ETNK1: variants seen among roughly 807,000 people sequenced by gnomAD.
The protein encoded by ETNK1 is ethanolamine kinase 1.
In ETNK1, 8 loss-of-function variants were observed where a neutral mutation model predicts 45.1. The observed-to-expected ratio is 0.18, with a 90% CI of 0.10 to 0.32. The LOEUF (loss-of-function observed/expected upper bound fraction) is 0.32. ETNK1 is among the 10% of genes least tolerant of loss of function. The pLI, the probability that ETNK1 is intolerant of heterozygous loss-of-function variation, is 1.00. For synonymous variants in ETNK1, 152 were observed against 151.9 expected, an observed-to-expected ratio of 1.00 and a Z score of -0.01; for missense variants, 302 against 430.6, an observed-to-expected ratio of 0.70 and a Z score of 2.64.
At chr12:22,626,029 T>C (rs993195433) in intron 1 of ETNK1, 3 of 375,132 alleles carry the variant, frequency 8.0e-6, no homozygotes, top group East Asian at 7.2e-5. Context: ...TGTGCTTTCA[T>C]TGATGCCTCA....
rs3741784 is a variant in ETNK1 at position 22,687,158 on chromosome 12, A to G, written c.*2204A>G. 0.07 allele frequency: 10,547 copies of G among 151,638 alleles called. 514 individuals carry two copies. Among genetic ancestry groups the G allele is most frequent in the South Asian group, 0.14 (673 of 4,816 alleles). The allele number at this position is 151,638 out of a possible 1,614,324, so 9.4% of individuals were successfully genotyped here. On this transcript the variant is annotated 3_prime_UTR_variant, in exon 8 of 8. Transcript: ENST00000266517. Reference sequence around the variant, plus strand: ...GGGAACAAAATAAGATATCTAATCTATTTTCCCCATTCTGGCTAGATTTTG... The same window carrying G: ...GGGAACAAAATAAGATATCTAATCTGTTTTCCCCATTCTGGCTAGATTTTG...
chr12:22,662,462 A>AT lies in ETNK1; in HGVS notation c.700+1258dup, dbSNP rs143950126. ...AGGCCTGGAATGCAGTGGTGTAATC[A>AT]TGGCTCACTGCAGCCTTCAACTCTT... On this transcript the variant is annotated intron_variant, in intron 4 of 7. Coordinates refer to ENST00000266517, the MANE Select transcript of ETNK1 (RefSeq NM_018638.5). 6.9e-3 allele frequency among the ~76,000 whole-genome samples: 1,024 copies of AT among 147,894 alleles called. 14 individuals are homozygous for AT. The highest frequency in any genetic ancestry group is 0.024 in the African/African-American group (982 of 40,110).
chr12:22,642,208 C>T (rs1171121082), intron 1 of ETNK1, among the ~76,000 whole-genome samples: 2 of 151,948 alleles, frequency 1.3e-5, no homozygotes, highest in African/African-American at 4.8e-5. Flanking sequence ...AAAGGTTTCT[C>T]AATCTTTATT....
intron 1 of ETNK1, among the ~76,000 whole-genome samples, chr12:22,641,969 TTA>T (rs751413239): frequency 6.6e-6 from 1 of 152,180 alleles, no homozygotes; most frequent in Non-Finnish European, 1.5e-5. Context: ...ACACATCTTT[TTA>T]TGTTTGTACA....
At position 22,685,988 on chromosome 12, in the gene ETNK1, A is replaced by G. The variant is rs934530879; in HGVS notation, c.*1034A>G. On this transcript the variant is annotated 3_prime_UTR_variant, in exon 8 of 8. Transcript: ENST00000266517. ...TAGTTTCATGTTTTAGTTTGATTCT[A>G]TGTTTTTAGACTGATAGCAAATGAT... 2.6e-5 allele frequency: 4 copies of G among 152,252 alleles called. No homozygotes were observed. The highest frequency in any genetic ancestry group is 3.8e-4 in the East Asian group (2 of 5,200). The allele number at this position is 152,252 out of a possible 1,614,324, so 9.4% of individuals were successfully genotyped here. A position where few individuals can be genotyped will look rare whatever the true frequency, so the allele number is the denominator to read the frequency against.
chr12:22,643,759 G>C lies in ETNK1; in HGVS notation c.157-4G>C. ...TTCCCATTTTTAAAAAAAATTTTTG[G>C]CAGCTCTTCACAGATGGAATCACAA... On this transcript the variant is annotated splice_region_variant and splice_polypyrimidine_tract_variant and intron_variant, in intron 1 of 7. Coordinates refer to ENST00000266517, the MANE Select transcript of ETNK1 (RefSeq NM_018638.5). 6.4e-7 allele frequency: 1 copy of C among 1,561,116 alleles called. No homozygotes were observed. The highest frequency in any genetic ancestry group is 8.7e-7 in the Non-Finnish European group (1 of 1,151,522).
In ETNK1 at chr12:22,688,520, C is replaced by T. The variant is rs899983833; in HGVS notation, c.*3566C>T. On this transcript the variant is annotated 3_prime_UTR_variant, in exon 8 of 8. Transcript: ENST00000266517. ...TCTGTACCATTTTACGAATTTCTGT[C>T]TTCATAATATAAGTGAAAATACTGT... 2.6e-5 allele frequency: 4 copies of T among 152,268 alleles called. No homozygotes were observed. Among genetic ancestry groups the T allele is most frequent in the African/African-American group, 7.2e-5 (3 of 41,400 alleles). 9.4% of individuals were successfully genotyped at this position (152,268 alleles called of 1,614,324 possible).
chr12:22,673,090 C>T lies in ETNK1; in HGVS notation c.785-410C>T, dbSNP rs901187836. On this transcript the variant is annotated intron_variant, in intron 5 of 7. Coordinates refer to ENST00000266517, the MANE Select transcript of ETNK1 (RefSeq NM_018638.5). The stretch of plus-strand genomic sequence containing the variant: ...CAGCCTGGGTGACTGAACGAGATTC[C>T]GTCTCCAAAAAAAAAAGTATTCTTA... Among the ~76,000 whole-genome samples the T allele has an allele frequency of 4.6e-5, 7 of 151,652 alleles. No homozygotes were observed. In the East Asian group the frequency reaches 7.7e-4, roughly 17 times the overall value.
intron 4 of ETNK1, among the ~76,000 whole-genome samples, chr12:22,666,775 G>A (rs1223116551): frequency 6.6e-6 from 1 of 152,068 alleles, no homozygotes; most frequent in Non-Finnish European, 1.5e-5. Flanking sequence ...AGTAAATCAG[G>A]TTTTGTTTTA....
At chr12:22,644,474 A>G (rs1320755313) in intron 2 of ETNK1, 1 of 759,508 alleles carries the variant, frequency 1.3e-6, no homozygotes, top group Non-Finnish European at 1.8e-6. Flanking sequence ...TCTATAAAGA[A>G]TAATGTCATA....
At chr12:22,636,551 T>C (rs1424998447) in intron 1 of ETNK1, among the ~76,000 whole-genome samples, 1 of 152,216 alleles carries the variant, frequency 6.6e-6, no homozygotes, top group Non-Finnish European at 1.5e-5. Flanking sequence ...CTATTTTATT[T>C]GATATGAGAT....
At chr12:22,670,179 A>G (rs1176765497) in intron 4 of ETNK1, among the ~76,000 whole-genome samples, 1 of 152,176 alleles carries the variant, frequency 6.6e-6, no homozygotes, top group Non-Finnish European at 1.5e-5. Context: ...TGGGAAATAA[A>G]TAACAATGTG....
intron 2 of ETNK1, among the ~76,000 whole-genome samples, chr12:22,655,345 T>C (rs1010295546): frequency 6.7e-6 from 1 of 148,960 alleles, no homozygotes; most frequent in African/African-American, 2.5e-5. Flanking sequence ...TTTTTTTTTT[T>C]TTTTTTTCGA....
At chr12:22,665,957 G>GTA (rs199974318) in intron 4 of ETNK1, among the ~76,000 whole-genome samples, 60 of 151,302 alleles carry the variant, frequency 4.0e-4, no homozygotes, top group East Asian at 1.4e-3. Flanking sequence ...ACAAATGTGT[G>GTA]TATATATATA....
rs768038715 is a variant in ETNK1 at position 22,671,253 on chromosome 12, G to C, written c.701-19G>C. 6.6e-7 allele frequency: 1 copy of C among 1,516,354 alleles called. No homozygotes were observed. Among genetic ancestry groups the C allele is most frequent in the East Asian group, 2.3e-5 (1 of 44,334 alleles). 93.9% of individuals were successfully genotyped at this position (1,516,354 alleles called of 1,614,324 possible). Reference sequence around the variant, plus strand: ...TTATATGTGATTTCTTAATGTCTTTGTTTTTGTGTCTCACATAGGTGATGT... The same window carrying C: ...TTATATGTGATTTCTTAATGTCTTTCTTTTTGTGTCTCACATAGGTGATGT... On this transcript the variant is annotated intron_variant, in intron 4 of 7. Transcript: ENST00000266517.
At chr12:22,667,289 CTT>C (rs1268227590) in intron 4 of ETNK1, among the ~76,000 whole-genome samples, 2 of 151,990 alleles carry the variant, frequency 1.3e-5, no homozygotes, top group Non-Finnish European at 2.9e-5. Flanking sequence ...GCTTTTTTGT[CTT>C]TTCCCCTCCC....
At chr12:22,673,475 G>T in intron 5 of ETNK1, 25 bp from the exon 6 acceptor site, 3 of 1,530,662 alleles carry the variant, frequency 2.0e-6, no homozygotes, top group South Asian at 1.3e-5. Context: ...TAAAATTTTT[G>T]AGTGTAGTTT....
chr12:22,650,377 A>G (rs930471308), intron 2 of ETNK1, among the ~76,000 whole-genome samples: 1 of 151,884 alleles, frequency 6.6e-6, no homozygotes, highest in African/African-American at 2.4e-5. Context: ...GGAAATCTTC[A>G]AATTACGTGT....
In ETNK1 at chr12:22,662,409, T is replaced by TTA. The variant is rs1280127059; in HGVS notation, c.700+1204_700+1205insTA. Among the ~76,000 whole-genome samples the TTA allele has an allele frequency of 1.0e-4, 15 of 144,114 alleles. 1 individual carries two copies. Among genetic ancestry groups the TTA allele is most frequent in the African/African-American group, 4.0e-4 (15 of 37,232 alleles). The allele number at this position is 144,114 out of a possible 152,430, so 94.5% of individuals were successfully genotyped here. ...GGCCTTTCCTTTTTTTTTTTTTTTT[T>TTA]AAGTGACTGGATCTCAGTATGTCAC... On this transcript the variant is annotated intron_variant, in intron 4 of 7. Transcript: ENST00000266517.
Sources: gnomAD v4.1 joint callset for allele counts (sites outside exome capture counted in the v4.1 genomes callset) on GRCh38, gnomAD v4.1.1 for gene constraint, MANE v1.5 for transcripts, NCBI Gene and HGNC (gene_info 2026-07-23, HGNC 2026-07-21) for gene names.